The following NCOA2 variants were observed in gnomAD, a reference collection of about 807,000 sequenced individuals.
The protein encoded by NCOA2 is nuclear receptor coactivator 2, also known as class E basic helix-loop-helix protein 75.
A neutral mutation model predicts 145.1 loss-of-function variants in NCOA2; 21 were observed. The observed-to-expected ratio is 0.14, with a 90% CI of 0.10 to 0.21. The LOEUF is 0.21. Ranked by LOEUF, NCOA2 falls within the 10% of genes least tolerant of loss-of-function variation. The pLI, the probability that NCOA2 is intolerant of heterozygous loss-of-function variation, is 1.00. For missense variants in NCOA2, 1,472 were observed against 1,837.6 expected, an observed-to-expected ratio of 0.80 and a Z score of 3.64; for synonymous variants, 619 against 637.5, an observed-to-expected ratio of 0.97 and a Z score of 0.44.
At chr8:70,296,706 T>C (rs1827114626) in intron 2 of NCOA2, 38 bp downstream of exon 2, 1 of 152,174 alleles carries the variant, frequency 6.6e-6, no homozygotes, top group South Asian at 2.1e-4. Context: ...TAATTAAATA[T>C]CAAAGTATCC....
intron 1 of NCOA2, among the ~76,000 whole-genome samples, chr8:70,362,496 T>G (rs972909892): frequency 6.6e-6 from 1 of 152,116 alleles, no homozygotes; most frequent in African/African-American, 2.4e-5. Context: ...GTGCAAAAGA[T>G]TTTAGCAGAC....
At chr8:70,138,604 A>G (rs960697443) in intron 14 of NCOA2, among the ~76,000 whole-genome samples, 10 of 152,252 alleles carry the variant, frequency 6.6e-5, no homozygotes, top group Admixed American at 2.6e-4. Context: ...CATGTGCGTT[A>G]TATCTTACTG....
intron 1 of NCOA2, among the ~76,000 whole-genome samples, chr8:70,347,534 C>T (rs149108315): frequency 2.6e-5 from 4 of 151,612 alleles, no homozygotes; most frequent in East Asian, 1.9e-4. Flanking sequence ...CATATGTCTG[C>T]GGTCCCAGCT....
intron 11 of NCOA2, among the ~76,000 whole-genome samples, chr8:70,149,239 GTT>G (rs890653885): frequency 6.9e-6 from 1 of 144,828 alleles, no homozygotes; most frequent in African/African-American, 2.5e-5. Flanking sequence ...TGTTTTTTTT[GTT>G]TTTTTTTTTC....
At chr8:70,177,960 G>A (rs549404884) in intron 4 of NCOA2, among the ~76,000 whole-genome samples, 4 of 152,262 alleles carry the variant, frequency 2.6e-5, no homozygotes, top group African/African-American at 9.6e-5. Context: ...TGATGTTTGT[G>A]ATAGTAACCC....
chr8:70,324,668 G>A (rs1403040162), intron 1 of NCOA2, among the ~76,000 whole-genome samples: 1 of 151,640 alleles, frequency 6.6e-6, no homozygotes, highest in African/African-American at 2.4e-5. Context: ...AAACTCTATA[G>A]ATCAACAACC....
chr8:70,170,077 T>C, intron 6 of NCOA2, 125 bp downstream of exon 6: 4 of 920,396 alleles, frequency 4.3e-6, no homozygotes. Flanking sequence ...AACTACCCAG[T>C]CACTCTCCTC....
chr8:70,300,221 A>G (rs531548848), intron 1 of NCOA2, among the ~76,000 whole-genome samples: 150 of 152,348 alleles, frequency 9.8e-4, no homozygotes, highest in African/African-American at 3.5e-3. Context: ...AAGAAGATGA[A>G]TAACAGACAC....
At chr8:70,119,369 G>A (rs969384483) in intron 22 of NCOA2, among the ~76,000 whole-genome samples, 5 of 151,994 alleles carry the variant, frequency 3.3e-5, no homozygotes, top group African/African-American at 1.2e-4. Context: ...TTCCATCTAC[G>A]TTGCCACAAA....
chr8:70,293,053 T>G (rs552089382), intron 2 of NCOA2, among the ~76,000 whole-genome samples: 2 of 152,212 alleles, frequency 1.3e-5, no homozygotes, highest in Non-Finnish European at 2.9e-5. Flanking sequence ...TAAATTTTTT[T>G]TTTAATTCTA....
chr8:70,159,243 T>TATATATATATATGTATATATATA (rs869045939), intron 10 of NCOA2, among the ~76,000 whole-genome samples: 1 of 82,070 alleles, frequency 1.2e-5, no homozygotes, highest in African/African-American at 5.0e-5. Flanking sequence ...TATATATATA[T>TATATATATATATGTATATATATA]TTTTTTTTTT....
chr8:70,224,667 C>G (rs1165642180), intron 2 of NCOA2, among the ~76,000 whole-genome samples: 1 of 152,054 alleles, frequency 6.6e-6, no homozygotes, highest in Non-Finnish European at 1.5e-5. Context: ...GTCCTATACA[C>G]CCATTTGGCA....
At chr8:70,121,232 C>T in intron 22 of NCOA2, 70 bp downstream of exon 22, 6 of 1,259,420 alleles carry the variant, frequency 4.8e-6, no homozygotes, top group East Asian at 2.5e-5. Context: ...ATATCTATGC[C>T]ACTTTTGGTC....
At chr8:70,283,525 G>A (rs1826031780) in intron 2 of NCOA2, among the ~76,000 whole-genome samples, 1 of 152,286 alleles carries the variant, frequency 6.6e-6, no homozygotes, top group South Asian at 2.1e-4. Context: ...TGCATGTTTG[G>A]TTCACTTACA....
intron 1 of NCOA2, among the ~76,000 whole-genome samples, chr8:70,320,062 A>G (rs1805922882): frequency 6.6e-6 from 1 of 152,218 alleles, no homozygotes; most frequent in South Asian, 2.1e-4. Context: ...ATGTTTATAA[A>G]TTCACTTTTC....
chr8:70,293,643 G>C (rs1341768895), intron 2 of NCOA2, among the ~76,000 whole-genome samples: 1 of 152,086 alleles, frequency 6.6e-6, no homozygotes, highest in Non-Finnish European at 1.5e-5. Flanking sequence ...ATAAATCCAA[G>C]GTCTATATAA....
rs1029351959 is a variant in NCOA2 at position 70,303,397 on chromosome 8, A to G, written c.-76-6597T>C. 5.3e-5 allele frequency among the ~76,000 whole-genome samples: 8 copies of G among 152,196 alleles called. No individual in the cohort carries two copies. The East Asian group carries it at 1.5e-3, about 29-fold the overall frequency. On this transcript the variant is annotated intron_variant, in intron 1 of 22. Coordinates refer to ENST00000452400, the MANE Select transcript of NCOA2 (RefSeq NM_006540.4). ...AATTCCAGAGGAGATAATTCCAAGA[A>G]GGAGAGGGTGGTCCCCATTGTTCAA...
At chr8:70,404,049 C>T (rs1412291056), upstream of NCOA2, among the ~76,000 whole-genome samples, 1 of 152,188 alleles carries the variant, frequency 6.6e-6, no homozygotes, top group Non-Finnish European at 1.5e-5. Flanking sequence ...GAGGAAGGGG[C>T]AAAGGTGGAC....
At chr8:70,378,496 A>G (rs1337858935) in intron 1 of NCOA2, among the ~76,000 whole-genome samples, 2 of 148,948 alleles carry the variant, frequency 1.3e-5, no homozygotes, top group Non-Finnish European at 3.0e-5. Flanking sequence ...TGCAAAATGC[A>G]GGGAAGGGGT....
Sources: gnomAD v4.1 joint callset for allele counts (sites outside exome capture counted in the v4.1 genomes callset) on GRCh38, gnomAD v4.1.1 for gene constraint, MANE v1.5 for transcripts, NCBI Gene and HGNC (gene_info 2026-07-23, HGNC 2026-07-21) for gene names.